FSTL4: variants seen among roughly 807,000 people sequenced by gnomAD.
FSTL4 encodes follistatin like 4.
Under a neutral mutation model 78.2 loss-of-function variants are expected in FSTL4, and 28 were observed. That is an observed-to-expected ratio of 0.36 (90% CI 0.27 to 0.49). The LOEUF (loss-of-function observed/expected upper bound fraction) is 0.49. Ranked by LOEUF, FSTL4 falls within the 20% of genes least tolerant of loss-of-function variation. The pLI is 0.98. For missense variants in FSTL4, 922 were observed against 1,084.9 expected, an observed-to-expected ratio of 0.85 and a Z score of 2.11; for synonymous variants, 422 against 440.5, an observed-to-expected ratio of 0.96 and a Z score of 0.53.
chr5:133,611,630 C>T lies in FSTL4; in HGVS notation c.-11+695G>A, dbSNP rs914099326. 2.7e-4 allele frequency among the ~76,000 whole-genome samples: 41 copies of T among 152,194 alleles called. No individual in the cohort carries two copies. The highest frequency in any genetic ancestry group is 9.9e-4 in the African/African-American group (41 of 41,458). On this transcript the variant is annotated intron_variant, in intron 1 of 15. Transcript: ENST00000265342. The surrounding 1 kb of genome is among the most constrained non-coding windows in gnomAD (Gnocchi z 4.9). ...CCCTAGACACGTTCAAGCGGGTACC[C>T]CGGGCCGCTCACTCTGGACCGCGGC...
chr5:133,251,540 T>G (rs1752239511), intron 6 of FSTL4, among the ~76,000 whole-genome samples: 1 of 152,034 alleles, frequency 6.6e-6, no homozygotes, highest in African/African-American at 2.4e-5. Context: ...ATCCGGACAA[T>G]GAGACACACC....
At chr5:133,356,164 G>A (rs1754941212) in intron 4 of FSTL4, among the ~76,000 whole-genome samples, 1 of 152,194 alleles carries the variant, frequency 6.6e-6, no homozygotes, top group Admixed American at 6.5e-5. Context: ...AGACAGCTAT[G>A]TACACTACGA....
intron 3 of FSTL4, among the ~76,000 whole-genome samples, chr5:133,451,505 G>A (rs1019419055): frequency 2.0e-5 from 3 of 152,164 alleles, no homozygotes; most frequent in Admixed American, 6.5e-5. Context: ...AGGTTGCAGT[G>A]AGCTGAGATC....
intron 2 of FSTL4, chr5:133,575,050 A>G (rs763421614): frequency 2.0e-5 from 3 of 152,216 alleles, no homozygotes; most frequent in Non-Finnish European, 4.4e-5. Context: ...TGTCTTTACT[A>G]TATATTTGAT....
At chr5:133,219,012 C>T (rs796731760) in intron 12 of FSTL4, among the ~76,000 whole-genome samples, 47 of 152,272 alleles carry the variant, frequency 3.1e-4, no homozygotes, top group African/African-American at 1.1e-3. Flanking sequence ...CCTTCTTTTC[C>T]TTTGTCTTAC....
At chr5:133,331,941 AC>A (rs1320136432) in intron 4 of FSTL4, among the ~76,000 whole-genome samples, 1 of 152,126 alleles carries the variant, frequency 6.6e-6, no homozygotes, top group Admixed American at 6.5e-5. Context: ...AGCTGCAGAA[AC>A]CCTCATTTCT....
chr5:133,787,848 C>G, the FSTL4 span, among the ~76,000 whole-genome samples: 1 of 152,246 alleles, frequency 6.6e-6, no homozygotes, highest in Non-Finnish European at 1.5e-5. Context: ...CTCCACCCTC[C>G]CCTGTTCTAC....
chr5:133,372,269 G>GTATGTATGTATGTATGTATGTATGTATC (rs143392836), intron 4 of FSTL4, among the ~76,000 whole-genome samples: 4 of 142,924 alleles, frequency 2.8e-5, no homozygotes, highest in African/African-American at 7.7e-5. Context: ...ATGTATGTAT[G>GTATGTATGTATGTATGTATGTATGTATC]TATCTATCTA....
intron 3 of FSTL4, among the ~76,000 whole-genome samples, chr5:133,420,181 C>T (rs551323239): frequency 7.9e-5 from 12 of 152,286 alleles, no homozygotes; most frequent in African/African-American, 2.9e-4. Flanking sequence ...GTTCCACTTA[C>T]ATAAAATTCA....
chr5:133,365,262 A>T (rs1027416749), intron 4 of FSTL4, among the ~76,000 whole-genome samples: 1 of 150,758 alleles, frequency 6.6e-6, no homozygotes, highest in Non-Finnish European at 1.5e-5. Context: ...ATAATAATAA[A>T]CCTTAATGGA....
intron 6 of FSTL4, among the ~76,000 whole-genome samples, chr5:133,257,243 A>G (rs60963949): frequency 0.06 from 9,082 of 152,220 alleles, 317 homozygotes; most frequent in Middle Eastern, 0.12. Context: ...AGAGAAGACA[A>G]GTGTTAAGTG....
At chr5:133,252,383 C>G (rs1176654812) in intron 6 of FSTL4, 2 of 152,124 alleles carry the variant, frequency 1.3e-5, no homozygotes, top group African/African-American at 4.8e-5. Flanking sequence ...CCCCAGCCAC[C>G]TGTATCATAT....
At chr5:133,634,802 G>T in the FSTL4 span, among the ~76,000 whole-genome samples, 1 of 152,130 alleles carries the variant, frequency 6.6e-6, no homozygotes, top group Non-Finnish European at 1.5e-5. Context: ...TCTCATGCCT[G>T]TTCCCCCACC....
chr5:133,780,591 G>C, the FSTL4 span, among the ~76,000 whole-genome samples: 192 of 152,298 alleles, frequency 1.3e-3, 1 homozygote, highest in South Asian at 9.1e-3. Context: ...AAGACATTTT[G>C]AGGACTTTAT....
In FSTL4 at chr5:133,592,707, T is replaced by G. The variant is rs562346966; in HGVS notation, c.126+11151A>C. 5.9e-5 allele frequency among the ~76,000 whole-genome samples: 9 copies of G among 152,248 alleles called. No homozygotes were observed. The South Asian group carries it at 1.9e-3, about 32-fold the overall frequency. ...CTACCCTACTAGTTCCCAAGAGAGC[T>G]GGCTTTTAAATAGAGCCTGGAACCT... On this transcript the variant is annotated intron_variant, in intron 2 of 15. Coordinates refer to ENST00000265342, the MANE Select transcript of FSTL4 (RefSeq NM_015082.2).
the FSTL4 span, among the ~76,000 whole-genome samples, chr5:133,691,686 G>T: frequency 6.6e-6 from 1 of 151,978 alleles, no homozygotes; most frequent in Admixed American, 6.6e-5. Flanking sequence ...TGGAGGGAGG[G>T]TTACCTGGCC....
At chr5:133,308,654 G>A (rs1197942326) in intron 6 of FSTL4, among the ~76,000 whole-genome samples, 1 of 152,236 alleles carries the variant, frequency 6.6e-6, no homozygotes, top group Admixed American at 6.5e-5. Context: ...CTTTGCAACA[G>A]AGATGGTGAA....
At chr5:133,222,000 A>G (rs1421796378) in intron 11 of FSTL4, among the ~76,000 whole-genome samples, 2 of 148,916 alleles carry the variant, frequency 1.3e-5, no homozygotes, top group Admixed American at 1.4e-4. Flanking sequence ...AGAAAACAAC[A>G]AAACAGGAAT....
At chr5:133,754,356 G>GATAT in the FSTL4 span, among the ~76,000 whole-genome samples, 1 of 151,690 alleles carries the variant, frequency 6.6e-6, no homozygotes, top group African/African-American at 2.4e-5. Context: ...AGAGCTAAAA[G>GATAT]ATATATATAT....
Sources: allele counts gnomAD v4.1 joint callset (sites outside exome capture counted in the v4.1 genomes callset), GRCh38; gene constraint gnomAD v4.1.1; non-coding constraint Gnocchi (gnomAD v3.1); transcripts MANE v1.5; gene names NCBI Gene and HGNC (gene_info 2026-07-23, HGNC 2026-07-21).